Variants in NLN observed in about 807,000 individuals in gnomAD.
NLN encodes neurolysin, mitochondrial.
NLN carries 64 observed loss-of-function variants against 79.9 expected under a neutral mutation model. That is an observed-to-expected ratio of 0.80 (90% CI 0.65 to 0.99). The LOEUF is 0.99. NLN is among the 50% of genes least tolerant of loss of function. NLN has a pLI of 0.00. For synonymous variants in NLN, 267 were observed against 296.6 expected (o/e 0.90, Z 1.02); for missense variants, 835 against 858.7 (o/e 0.97, Z 0.34).
Position 65,777,531 on chromosome 5 carries a change from GA to G in NLN, c.557del (p.Asn186MetfsTer6). The G allele has an allele frequency of 6.5e-7, 1 of 1,548,100 alleles. No individual in the cohort carries two copies. Among genetic ancestry groups the G allele is most frequent in the South Asian group, 1.2e-5 (1 of 86,790 alleles). On this transcript the variant is annotated frameshift_variant and splice_region_variant, in exon 4 of 13. Coordinates refer to ENST00000380985, the MANE Select transcript of NLN (RefSeq NM_020726.5). LOFTEE classifies it high-confidence loss of function. ...GGCTCCATCTTCCTGAACAAGTACAGAATGTGAGTTTATGTTTTCTTTTCTT... is the reference window on the plus strand; with the variant it reads ...GGCTCCATCTTCCTGAACAAGTACAGATGTGAGTTTATGTTTTCTTTTCTT... ...NGLHLPEQVQ[N>X]EIKSMKKRMS...
intron 7 of NLN, 85 bp from the exon 8 acceptor site, chr5:65,788,033 G>A: frequency 7.5e-7 from 1 of 1,331,408 alleles, no homozygotes; most frequent in Non-Finnish European, 1.0e-6. Context: ...AAAGGAGGAA[G>A]CACCATGCTA....
At chr5:65,786,699 G>A (rs1351702383) in intron 7 of NLN, among the ~76,000 whole-genome samples, 1 of 152,008 alleles carries the variant, frequency 6.6e-6, no homozygotes, top group Non-Finnish European at 1.5e-5. Context: ...TGTCTCTACA[G>A]AAAAATTTAA....
intron 1 of NLN, among the ~76,000 whole-genome samples, chr5:65,730,660 A>C (rs1034083478): frequency 6.6e-5 from 10 of 151,672 alleles, no homozygotes; most frequent in Non-Finnish European, 1.5e-4. Flanking sequence ...GGGTTCAAGC[A>C]ATTCTCCCAC....
chr5:65,739,017 T>C (rs1345607802), intron 1 of NLN, among the ~76,000 whole-genome samples: 6 of 142,538 alleles, frequency 4.2e-5, no homozygotes, highest in African/African-American at 1.3e-4. Context: ...TATATTTATA[T>C]ATATAAATAT....
intron 9 of NLN, among the ~76,000 whole-genome samples, chr5:65,803,557 C>T (rs920718110): frequency 6.6e-6 from 1 of 152,100 alleles, no homozygotes; most frequent in Non-Finnish European, 1.5e-5. Flanking sequence ...TGCCTGGGTC[C>T]GCAGCCATGG....
intron 1 of NLN, among the ~76,000 whole-genome samples, chr5:65,735,366 A>T (rs1758708241): frequency 6.6e-6 from 1 of 152,156 alleles, no homozygotes; most frequent in South Asian, 2.1e-4. Context: ...ATGTTGTTGA[A>T]TCTCAATATC....
chr5:65,790,582 G>A (rs1019915042), intron 8 of NLN, among the ~76,000 whole-genome samples: 6 of 152,132 alleles, frequency 3.9e-5, no homozygotes, highest in Non-Finnish European at 8.8e-5. Context: ...TCATGAGACT[G>A]GCTACCCCAT....
intron 1 of NLN, among the ~76,000 whole-genome samples, chr5:65,740,628 A>G (rs916496982): frequency 6.6e-6 from 1 of 151,898 alleles, no homozygotes; most frequent in Non-Finnish European, 1.5e-5. Context: ...ATTCGACTGC[A>G]TGTGAATCTC....
intron 1 of NLN, among the ~76,000 whole-genome samples, chr5:65,745,393 C>T (rs1758954504): frequency 6.6e-6 from 1 of 151,964 alleles, no homozygotes; most frequent in Admixed American, 6.6e-5. Flanking sequence ...GAATAAGGGC[C>T]CTCAGATACT....
At position 65,739,003 on chromosome 5, in the gene NLN, A is replaced by G. The variant is rs1047754925; in HGVS notation, c.41+16589A>G. ...TATTATATATTTATATATATTTTAT[A>G]ATATATATTTATATATATAAATATA... On this transcript the variant is annotated intron_variant, in intron 1 of 12. Transcript: ENST00000380985. Among the ~76,000 whole-genome samples the G allele has an allele frequency of 3.4e-4, 48 of 142,072 alleles. 3 individuals carry two copies. The East Asian group carries it at 5.9e-3, about 17-fold the overall frequency. 93.2% of individuals were successfully genotyped at this position (142,072 alleles called of 152,430 possible). A position where few individuals can be genotyped will look rare whatever the true frequency, so the allele number is the denominator to read the frequency against.
intron 1 of NLN, among the ~76,000 whole-genome samples, chr5:65,744,991 A>G (rs1002716526): frequency 1.3e-5 from 2 of 152,230 alleles, no homozygotes; most frequent in African/African-American, 2.4e-5. Context: ...CACTGTTTCC[A>G]AGTGATTTAT....
At chr5:65,724,095 G>A (rs754122544) in intron 1 of NLN, among the ~76,000 whole-genome samples, 55 of 146,692 alleles carry the variant, frequency 3.7e-4, no homozygotes, top group Non-Finnish European at 6.6e-4. Flanking sequence ...ACATTGTGGG[G>A]TTTTTTCCCT....
intron 1 of NLN, among the ~76,000 whole-genome samples, chr5:65,736,729 C>G (rs1444603541): frequency 1.3e-5 from 2 of 152,138 alleles, no homozygotes; most frequent in South Asian, 2.1e-4. Flanking sequence ...GCCCATTTTC[C>G]TGAGTTATCT....
chr5:65,733,579 T>A lies in NLN; in HGVS notation c.41+11165T>A. 2.0e-6 allele frequency: 3 copies of A among 1,500,790 alleles called. No homozygotes were observed. The South Asian group carries it at 3.4e-5, about 17-fold the overall frequency. The allele number at this position is 1,500,790 out of a possible 1,614,324, so 93.0% of individuals were successfully genotyped here. On this transcript the variant is annotated intron_variant, in intron 1 of 12. Coordinates refer to ENST00000380985, the MANE Select transcript of NLN (RefSeq NM_020726.5). Reference sequence around the variant, plus strand: ...AGGGAAGTCAGGCAGCCCAAGAGGATCTTTTTTGGTCCCGTCCCCTGCCCT... The same window carrying A: ...AGGGAAGTCAGGCAGCCCAAGAGGAACTTTTTTGGTCCCGTCCCCTGCCCT...
At chr5:65,761,283 AT>A (rs955212249) in intron 2 of NLN, among the ~76,000 whole-genome samples, 10 of 151,756 alleles carry the variant, frequency 6.6e-5, no homozygotes, top group South Asian at 2.1e-4. Context: ...AATTTATTTT[AT>A]TTTTTTATTA....
intron 9 of NLN, among the ~76,000 whole-genome samples, chr5:65,795,073 CTG>C (rs1490781263): frequency 6.6e-6 from 1 of 152,160 alleles, no homozygotes; most frequent in Non-Finnish European, 1.5e-5. Context: ...ATAGCACTGA[CTG>C]GGCGTGGTGG....
rs1239446326 is a variant in NLN at position 65,722,329 on chromosome 5, G to A, written c.-45G>A. On this transcript the variant is annotated 5_prime_UTR_variant, in exon 1 of 13. Transcript: ENST00000380985. ...GCTGCCGCCCGCCTCGCCGCCCCAC[G>A]CCGAAGGACCACGCGCCCGCCGCCG... is the stretch of plus-strand genomic sequence containing the variant. 6 of 1,504,050 alleles carry A rather than the reference G, an allele frequency of 4.0e-6. No individual in the cohort carries two copies. The Admixed American group carries it at 8.6e-5, about 22-fold the overall frequency. 93.2% of individuals were successfully genotyped at this position (1,504,050 alleles called of 1,614,324 possible).
intron 6 of NLN, among the ~76,000 whole-genome samples, chr5:65,785,339 A>T (rs11952316): frequency 0.039 from 5,891 of 152,232 alleles, 147 homozygotes; most frequent in African/African-American, 0.065. Flanking sequence ...CTATGTTTTT[A>T]AAAATAGTAG....
intron 1 of NLN, among the ~76,000 whole-genome samples, chr5:65,743,779 A>C (rs111280169): frequency 0.012 from 1,753 of 152,324 alleles, 35 homozygotes; most frequent in African/African-American, 0.039. Context: ...CAACCCAATT[A>C]AACCATTTTT....
Sources: gnomAD v4.1 joint callset for allele counts (sites outside exome capture counted in the v4.1 genomes callset) on GRCh38, gnomAD v4.1.1 for gene constraint, MANE v1.5 for transcripts, NCBI Gene and HGNC (gene_info 2026-07-23, HGNC 2026-07-21) for gene names.